RGS12: variants seen among roughly 807,000 people sequenced by gnomAD.
The protein encoded by RGS12 is regulator of G protein signaling 12.
In RGS12, 66 loss-of-function variants were observed where a neutral mutation model predicts 120.1. That is an observed-to-expected ratio of 0.55 (90% CI 0.45 to 0.67). The LOEUF is 0.67. Among genes scored for constraint, RGS12 ranks in the 30% least tolerant of loss-of-function variants. The probability of loss-of-function intolerance (pLI) is 0.00; values close to 1 mark genes in which losing one functional copy is unlikely to be tolerated. For missense variants in RGS12, 1,859 were observed against 1,957.7 expected (o/e 0.95, Z 0.95); for synonymous variants, 827 against 804.7 (o/e 1.03, Z -0.47).
Position 3,335,274 on chromosome 4 carries a change from C to T in RGS12, c.1882-7663C>T, listed in dbSNP as rs563947898. 2.6e-5 allele frequency among the ~76,000 whole-genome samples: 4 copies of T among 152,318 alleles called. No individual in the cohort carries two copies. The East Asian group carries it at 7.7e-4, about 29-fold the overall frequency. ...AGAAACCTTTCTTTGGTTCCTTACA[C>T]GTTACTCTGTAACCATTGCTGTAAG... On this transcript the variant is annotated intron_variant, in intron 2 of 17. Coordinates refer to ENST00000336727, the MANE Select transcript of RGS12 (RefSeq NM_001394154.1).
Position 3,389,401 on chromosome 4 carries a change from G to C in RGS12, c.2020+2964G>C, listed in dbSNP as rs1364397454. On this transcript the variant is annotated intron_variant, in intron 4 of 17. Coordinates refer to ENST00000336727, the MANE Select transcript of RGS12 (RefSeq NM_001394154.1). This position sits in a 1 kb window ranked among gnomAD's most constrained non-coding sequence, Gnocchi z 5.2. ...AGCAGGGGAATGGTCTGCCTTGTGG[G>C]AAGTTATTCAGACAGAAGTGTGAGG... 1.3e-5 allele frequency among the ~76,000 whole-genome samples: 2 copies of C among 152,174 alleles called. No individual in the cohort carries two copies. Among genetic ancestry groups the C allele is most frequent in the African/African-American group, 4.8e-5 (2 of 41,440 alleles).
chr4:3,305,895 C>G (rs78766980), intron 1 of RGS12, among the ~76,000 whole-genome samples: 4,004 of 152,354 alleles, frequency 0.026, 162 homozygotes, highest in African/African-American at 0.087. Context: ...AGCCTGCTTC[C>G]TGCTGATAGG....
In RGS12 at chr4:3,389,738, C is replaced by T. The variant is rs1027545362; in HGVS notation, c.2020+3301C>T. Reference sequence around the variant, plus strand: ...GCCCACCTCCTCCTGCGTACGGCGTCTGTGCCAGCAGGAAAGCCGGGGAAC... The same window carrying T: ...GCCCACCTCCTCCTGCGTACGGCGTTTGTGCCAGCAGGAAAGCCGGGGAAC... On this transcript the variant is annotated intron_variant, in intron 4 of 17. Coordinates refer to ENST00000336727, the MANE Select transcript of RGS12 (RefSeq NM_001394154.1). The surrounding 1 kb of genome is among the most constrained non-coding windows in gnomAD (Gnocchi z 5.2). Among the ~76,000 whole-genome samples, 1 of 152,224 alleles carries T rather than the reference C, an allele frequency of 6.6e-6. No homozygotes were observed. The highest frequency in any genetic ancestry group is 1.5e-5 in the Non-Finnish European group (1 of 68,030).
intron 3 of RGS12, among the ~76,000 whole-genome samples, chr4:3,364,834 C>T (rs1012722976): frequency 7.9e-5 from 12 of 152,132 alleles, no homozygotes; most frequent in South Asian, 2.1e-4. Flanking sequence ...ACTTGGCGGT[C>T]GCTGCCTGGG....
At chr4:3,354,751 G>A (rs556059350) in intron 3 of RGS12, among the ~76,000 whole-genome samples, 22 of 152,288 alleles carry the variant, frequency 1.4e-4, no homozygotes, top group East Asian at 5.8e-4. Context: ...GAAACTGCAC[G>A]TAAAGGAGAG....
Position 3,414,943 on chromosome 4 carries a change from TGA to T in RGS12, c.2283+101_2283+102del, listed in dbSNP as rs1722185740. 3.8e-6 allele frequency: 3 copies of T among 799,970 alleles called. No individual in the cohort carries two copies. The Admixed American group carries it at 6.0e-5, about 16-fold the overall frequency. The allele number at this position is 799,970 out of a possible 1,614,324, so 49.6% of individuals were successfully genotyped here. A position where few individuals can be genotyped will look rare whatever the true frequency, so the allele number is the denominator to read the frequency against. ...GAGGGCCACGTGTGTGAGGGGCATG[TGA>T]GGGGTGTGTGTGAGGGGCGTGAGAG... On this transcript the variant is annotated intron_variant, in intron 6 of 17. Coordinates refer to ENST00000336727, the MANE Select transcript of RGS12 (RefSeq NM_001394154.1).
chr4:3,304,814 A>G (rs1723882751), intron 1 of RGS12, among the ~76,000 whole-genome samples: 1 of 152,220 alleles, frequency 6.6e-6, no homozygotes, highest in Non-Finnish European at 1.5e-5. Flanking sequence ...GCAGCAAGTC[A>G]AACGACCCTG....
At chr4:3,369,605 G>A (rs1440227344) in intron 3 of RGS12, among the ~76,000 whole-genome samples, 1 of 152,224 alleles carries the variant, frequency 6.6e-6, no homozygotes, top group Admixed American at 6.5e-5. Context: ...TTGACAGCAG[G>A]GAAGCACTTT....
chr4:3,288,167 C>T (rs1032788345), upstream of RGS12, among the ~76,000 whole-genome samples: 8 of 152,144 alleles, frequency 5.3e-5, no homozygotes, highest in South Asian at 2.1e-4. This position sits in a 1 kb window ranked among gnomAD's most constrained non-coding sequence, Gnocchi z 5.2. Flanking sequence ...GGGGAGTGTG[C>T]GCAGACCCCC....
upstream of RGS12, among the ~76,000 whole-genome samples, chr4:3,292,225 C>G (rs60551364): frequency 0.23 from 34,450 of 152,146 alleles, 4,758 homozygotes; most frequent in East Asian, 0.44. Context: ...GAAGGAACTC[C>G]GGCCTAAAGG....
At chr4:3,306,067 C>G (rs1317126303) in intron 1 of RGS12, among the ~76,000 whole-genome samples, 1 of 152,248 alleles carries the variant, frequency 6.6e-6, no homozygotes, top group African/African-American at 2.4e-5. Context: ...ATGAGCCCTG[C>G]TCTGCCTTGG....
chr4:3,434,857 G>A (rs1396443923), intron 17 of RGS12, among the ~76,000 whole-genome samples: 5 of 152,230 alleles, frequency 3.3e-5, no homozygotes, highest in South Asian at 2.1e-4. Flanking sequence ...GCTGCAAGGC[G>A]ACAGTCAGGG....
At position 3,439,613 on chromosome 4, in the gene RGS12, C is replaced by A. The variant is rs774798882; in HGVS notation, c.4273C>A (p.Pro1425Thr). ...ASGGPPTSDL[P>T]GLGPVPGEPA... Reference sequence around the variant, plus strand: ...TGGTGGGCCTCCTACATCAGACCTCCCTGGCTTGGGCCCCGTCCCGGGTGA... The same window carrying A: ...TGGTGGGCCTCCTACATCAGACCTCACTGGCTTGGGCCCCGTCCCGGGTGA... Residue 1425 changes from proline to threonine, a missense_variant, in exon 18 of 18, where the codon CCT (proline) becomes ACT (threonine). Around this residue, in one of 3 missense-constraint regions of RGS12, gnomAD observed 517 missense variants for 488.5 expected, o/e 1.06. Transcript: ENST00000336727. 5 of 1,605,904 alleles carry A rather than the reference C, an allele frequency of 3.1e-6. No individual in the cohort carries two copies. The East Asian group carries it at 1.1e-4, about 36-fold the overall frequency.
chr4:3,438,999 C>T (rs1324898627), intron 17 of RGS12, among the ~76,000 whole-genome samples: 1 of 152,070 alleles, frequency 6.6e-6, no homozygotes, highest in Admixed American at 6.6e-5. Context: ...AGGGCCCGTT[C>T]CACCAGGCCA....
chr4:3,397,415 G>A lies in RGS12; in HGVS notation c.2020+10978G>A, dbSNP rs556817409. Among the ~76,000 whole-genome samples, 3 of 152,342 alleles carry A rather than the reference G, an allele frequency of 2.0e-5. No individual in the cohort carries two copies. In the South Asian group the frequency reaches 6.2e-4, roughly 32 times the overall value. ...GAGGATTAACCCTCATATGAGTTTGGGAAGACAGGAAGAACCAGGAAAAAG... is the reference window on the plus strand; with the variant it reads ...GAGGATTAACCCTCATATGAGTTTGAGAAGACAGGAAGAACCAGGAAAAAG... On this transcript the variant is annotated intron_variant, in intron 4 of 17. Transcript: ENST00000336727.
At chr4:3,358,315 G>A (rs1481172807) in intron 3 of RGS12, among the ~76,000 whole-genome samples, 1 of 151,986 alleles carries the variant, frequency 6.6e-6, no homozygotes, top group Non-Finnish European at 1.5e-5. Flanking sequence ...CCAGTTTGGG[G>A]GCCTTTCATT....
At position 3,365,672 on chromosome 4, in the gene RGS12, C is replaced by T. The variant is rs1457091611; in HGVS notation, c.1999-20744C>T. Among the ~76,000 whole-genome samples, 1 of 152,222 alleles carries T rather than the reference C, an allele frequency of 6.6e-6. No individual in the cohort carries two copies. The highest frequency in any genetic ancestry group is 2.4e-5 in the African/African-American group (1 of 41,458). On this transcript the variant is annotated intron_variant, in intron 3 of 17. Transcript: ENST00000336727. This position sits in a 1 kb window ranked among gnomAD's most constrained non-coding sequence, Gnocchi z 4.0. Reference sequence around the variant, plus strand: ...TCACATTGTGTAGGAATGAGATCCTCACAGGCCTTTCAGAATAAGCTCCTT... The same window carrying T: ...TCACATTGTGTAGGAATGAGATCCTTACAGGCCTTTCAGAATAAGCTCCTT...
intron 4 of RGS12, among the ~76,000 whole-genome samples, chr4:3,404,239 A>G (rs973110202): frequency 3.9e-5 from 6 of 152,270 alleles, no homozygotes; most frequent in Non-Finnish European, 8.8e-5. Context: ...GCTCAAGGCC[A>G]TGTGATCAAT....
At chr4:3,363,966 G>T (rs532563630) in intron 3 of RGS12, among the ~76,000 whole-genome samples, 1 of 152,174 alleles carries the variant, frequency 6.6e-6, no homozygotes, top group Non-Finnish European at 1.5e-5. Context: ...CCATGCTGCC[G>T]GAGAGGCCGG....
Sources: gnomAD v4.1 joint callset for allele counts (sites outside exome capture counted in the v4.1 genomes callset) on GRCh38, gnomAD v4.1.1 for gene constraint, gnomAD v4.1.1 regional missense constraint, Gnocchi (gnomAD v3.1) non-coding constraint, MANE v1.5 for transcripts, NCBI Gene and HGNC (gene_info 2026-07-23, HGNC 2026-07-21) for gene names.